The following SCNN1B variants were observed in gnomAD, a reference collection of about 807,000 sequenced individuals.
The protein encoded by SCNN1B is epithelial sodium channel subunit beta.
A neutral mutation model predicts 65.3 loss-of-function variants in SCNN1B; 46 were observed. The ratio of observed to expected loss-of-function variants is 0.70; its 90% CI spans 0.56 to 0.90. SCNN1B has a LOEUF of 0.90. Among genes scored for constraint, SCNN1B ranks in the 40% least tolerant of loss-of-function variants. SCNN1B has a pLI of 0.00. For missense variants in SCNN1B, 751 were observed against 830.5 expected (o/e 0.90, Z 1.18); for synonymous variants, 349 against 330.6 (o/e 1.06, Z -0.60).
chr16:23,353,628 C>T (rs909536978), intron 3 of SCNN1B, among the ~76,000 whole-genome samples: 1 of 152,202 alleles, frequency 6.6e-6, no homozygotes, highest in Non-Finnish European at 1.5e-5. Context: ...GGCCATGTGC[C>T]CTGGAGTTGG....
chr16:23,365,583 G>GAAAT (rs1567313630), intron 4 of SCNN1B, among the ~76,000 whole-genome samples: 69 of 60,212 alleles, frequency 1.1e-3, no homozygotes, highest in African/African-American at 9.3e-3. Flanking sequence ...AAGAAAGAAA[G>GAAAT]AAAGAGAAAG....
At chr16:23,311,252 C>T (rs1961337686) in intron 1 of SCNN1B, among the ~76,000 whole-genome samples, 1 of 152,238 alleles carries the variant, frequency 6.6e-6, no homozygotes, top group African/African-American at 2.4e-5. Context: ...TGGCCCTTTC[C>T]TTTCAGACCT....
intron 4 of SCNN1B, among the ~76,000 whole-genome samples, chr16:23,364,863 C>T (rs761525959): frequency 1.1e-4 from 17 of 151,764 alleles, no homozygotes; most frequent in Admixed American, 2.6e-4. Flanking sequence ...TGGTGGCTCA[C>T]GCCTGTAATC....
intron 3 of SCNN1B, 92 bp from the exon 4 acceptor site, chr16:23,355,207 C>A: frequency 7.6e-7 from 1 of 1,308,916 alleles, no homozygotes; most frequent in Non-Finnish European, 1.1e-6. Context: ...TGGCAAAGCA[C>A]AGCTCTTGCC....
chr16:23,328,737 C>T (rs1003099915), intron 1 of SCNN1B, among the ~76,000 whole-genome samples: 4 of 152,182 alleles, frequency 2.6e-5, no homozygotes, highest in Non-Finnish European at 4.4e-5. Context: ...GCCTCTGAAT[C>T]GTGGGTGGTG....
At chr16:23,363,388 A>G (rs535187262) in intron 4 of SCNN1B, among the ~76,000 whole-genome samples, 9 of 152,348 alleles carry the variant, frequency 5.9e-5, no homozygotes, top group African/African-American at 2.2e-4. Context: ...CAGAATTGAA[A>G]TCAAGCAGGC....
chr16:23,325,195 A>G (rs542117038), intron 1 of SCNN1B, among the ~76,000 whole-genome samples: 1 of 152,294 alleles, frequency 6.6e-6, no homozygotes, highest in East Asian at 1.9e-4. Flanking sequence ...TCAGGCTGCT[A>G]GAGACCCAAG....
chr16:23,291,561 T>C (rs2141970673), intron 2 of SCNN1B, among the ~76,000 whole-genome samples: 1 of 151,712 alleles, frequency 6.6e-6, no homozygotes, highest in East Asian at 1.9e-4. Flanking sequence ...TGTCTCTGCA[T>C]TTATTTTATT....
intron 1 of SCNN1B, among the ~76,000 whole-genome samples, chr16:23,323,800 A>G (rs965689306): frequency 6.6e-6 from 1 of 152,212 alleles, no homozygotes; most frequent in Non-Finnish European, 1.5e-5. Context: ...GGAGCATGAC[A>G]TAGACAGCTA....
At chr16:23,286,760 G>C (rs1960856487) in intron 2 of SCNN1B, among the ~76,000 whole-genome samples, 1 of 152,084 alleles carries the variant, frequency 6.6e-6, no homozygotes. Context: ...AACGGGAAGG[G>C]AAGCTAGTCT....
At chr16:23,293,114 C>CAAAAAAAAAAAAAAAAAAAAAAAAAAA (rs1191618996) in intron 2 of SCNN1B, among the ~76,000 whole-genome samples, 1 of 34,160 alleles carries the variant, frequency 2.9e-5, no homozygotes, top group African/African-American at 7.6e-5. Context: ...GACTCATTCT[C>CAAAAAAAAAAAAAAAAAAAAAAAAAAA]AAAAAAAAAA....
At chr16:23,377,280 G>T (rs1393029792) in intron 9 of SCNN1B, 40 bp downstream of exon 9, 1 of 1,614,088 alleles carries the variant, frequency 6.2e-7, no homozygotes, top group Non-Finnish European at 8.5e-7. Flanking sequence ...GGCAGGCATG[G>T]AGGGGCATCA....
At chr16:23,325,824 G>A (rs975032937) in intron 1 of SCNN1B, among the ~76,000 whole-genome samples, 3 of 151,470 alleles carry the variant, frequency 2.0e-5, no homozygotes, top group Non-Finnish European at 2.9e-5. Flanking sequence ...AGGTCGAGGC[G>A]GAAGGATTTC....
intron 1 of SCNN1B, among the ~76,000 whole-genome samples, chr16:23,317,623 C>T (rs930197838): frequency 5.9e-5 from 9 of 152,324 alleles, no homozygotes; most frequent in African/African-American, 2.2e-4. Flanking sequence ...TCAGGGAAAA[C>T]TCCTTCCTGC....
chr16:23,328,092 A>G (rs934859058), intron 1 of SCNN1B, among the ~76,000 whole-genome samples: 9 of 152,190 alleles, frequency 5.9e-5, no homozygotes, highest in Non-Finnish European at 4.4e-5. Context: ...TTAAGTCACA[A>G]GTGGGAAGGT....
chr16:23,314,896 TG>T (rs1202757171), intron 1 of SCNN1B, among the ~76,000 whole-genome samples: 2 of 152,212 alleles, frequency 1.3e-5, no homozygotes, highest in Non-Finnish European at 2.9e-5. Context: ...CCCAAGGTTT[TG>T]GATCCAAGGC....
chr16:23,309,632 T>A (rs1372359155), intron 1 of SCNN1B, among the ~76,000 whole-genome samples: 1 of 152,156 alleles, frequency 6.6e-6, no homozygotes, highest in Admixed American at 6.5e-5. Context: ...GCTAGGCCAG[T>A]CTAGGCTTTT....
At chr16:23,305,400 C>G (rs1220910293) in intron 1 of SCNN1B, among the ~76,000 whole-genome samples, 1 of 150,506 alleles carries the variant, frequency 6.6e-6, no homozygotes, top group Non-Finnish European at 1.5e-5. Flanking sequence ...CACCTGTAAT[C>G]CCAGCACTTT....
chr16:23,371,449 T>C lies in SCNN1B; in HGVS notation c.1031T>C (p.Ile344Thr), dbSNP rs758796060. The C allele has an allele frequency of 1.9e-6, 3 of 1,613,814 alleles. No homozygotes were observed. Among genetic ancestry groups the C allele is most frequent in the Non-Finnish European group, 1.7e-6 (2 of 1,179,984 alleles). ...IYAMSGTETSIGVLVDKLQRM... is the reference protein window; with the variant it reads ...IYAMSGTETSTGVLVDKLQRM... ...GCCATGTCGGGGACAGAGACGTCCA[T>C]CGGGGTACTCGTGGTATGGCCGGAG... is the stretch of plus-strand genomic sequence containing the variant. Residue 344 changes from isoleucine (I) to threonine (T), a missense_variant, in exon 6 of 13, where the codon ATC becomes ACC. Physicochemically the swap from Ile to Thr is moderately conservative, Grantham distance 89 (BLOSUM62 -1). Transcript: ENST00000343070.
Sources: gnomAD v4.1 joint callset for allele counts (sites outside exome capture counted in the v4.1 genomes callset) on GRCh38, gnomAD v4.1.1 for gene constraint, MANE v1.5 for transcripts, NCBI Gene and HGNC (gene_info 2026-07-23, HGNC 2026-07-21) for gene names.